CFAP263: variants seen among roughly 807,000 people sequenced by gnomAD.
CFAP263 encodes the protein cilia- and flagella-associated protein 263.
the CFAP263 span, among the ~76,000 whole-genome samples, chr16:58,250,890 C>T: frequency 6.6e-6 from 1 of 151,896 alleles, no homozygotes; most frequent in African/African-American, 2.4e-5. Flanking sequence ...TGGAGATGGA[C>T]AGTAAAGAAT....
chr16:58,250,887 G>A, the CFAP263 span, among the ~76,000 whole-genome samples: 1 of 152,090 alleles, frequency 6.6e-6, no homozygotes, highest in Non-Finnish European at 1.5e-5. Context: ...GCATGGAGAT[G>A]GACAGTAAAG....
At chr16:58,282,089 ACCT>A in the CFAP263 span, 1 of 149,682 alleles carries the variant, frequency 6.7e-6, no homozygotes, top group Non-Finnish European at 1.5e-5. Context: ...GCTCGCTGCA[ACCT>A]CCTCCTCCTG....
chr16:58,250,053 C>T, the CFAP263 span: 5 of 1,600,292 alleles, frequency 3.1e-6, 1 homozygote, highest in South Asian at 4.5e-5. Context: ...TCTCCGACTC[C>T]CATGAAGGGT....
the CFAP263 span, among the ~76,000 whole-genome samples, chr16:58,250,896 A>G: frequency 1.3e-5 from 2 of 152,224 alleles, no homozygotes; most frequent in Non-Finnish European, 2.9e-5. Flanking sequence ...TGGACAGTAA[A>G]GAATGGCCCG....
chr16:58,261,615 C>G, the CFAP263 span, among the ~76,000 whole-genome samples: 4 of 152,198 alleles, frequency 2.6e-5, no homozygotes, highest in Non-Finnish European at 5.9e-5. Flanking sequence ...AGGGATCACC[C>G]TCTGGTGTGG....
the CFAP263 span, among the ~76,000 whole-genome samples, chr16:58,259,004 A>C: frequency 8.8e-4 from 133 of 151,384 alleles, 2 homozygotes; most frequent in African/African-American, 3.1e-3. Flanking sequence ...TAAATAAATA[A>C]ATAAATAAAT....
chr16:58,280,315 C>A, the CFAP263 span: 2 of 1,614,042 alleles, frequency 1.2e-6, no homozygotes, highest in East Asian at 4.5e-5. Flanking sequence ...AAAAATCCTA[C>A]CTTCCCCCAC....
the CFAP263 span, chr16:58,254,068 A>C: frequency 6.2e-7 from 1 of 1,614,238 alleles, no homozygotes; most frequent in Non-Finnish European, 8.5e-7. Context: ...GCCGACCAAA[A>C]ACTTGAGCTG....
the CFAP263 span, among the ~76,000 whole-genome samples, chr16:58,262,049 C>T: frequency 2.0e-5 from 3 of 152,264 alleles, no homozygotes; most frequent in East Asian, 5.8e-4. Flanking sequence ...TTTCTTCCTC[C>T]CCTGGCCTGG....
chr16:58,263,100 AG>A, the CFAP263 span, among the ~76,000 whole-genome samples: 1 of 152,260 alleles, frequency 6.6e-6, no homozygotes, highest in Non-Finnish European at 1.5e-5. Flanking sequence ...ATAATTAAGC[AG>A]AGACTATAGG....
chr16:58,278,167 A>G, the CFAP263 span, among the ~76,000 whole-genome samples: 26 of 152,316 alleles, frequency 1.7e-4, 1 homozygote, highest in African/African-American at 6.0e-4. Flanking sequence ...AATTTTTCAC[A>G]CACAGAAAAA....
the CFAP263 span, chr16:58,279,679 T>TC: frequency 6.3e-7 from 1 of 1,575,164 alleles, no homozygotes; most frequent in Non-Finnish European, 8.5e-7. Flanking sequence ...TTTTTCTTTT[T>TC]TTTTTTTGCA....
At chr16:58,271,083 A>G in the CFAP263 span, among the ~76,000 whole-genome samples, 17 of 152,246 alleles carry the variant, frequency 1.1e-4, no homozygotes, top group Admixed American at 3.9e-4. Context: ...GTCTTTTATA[A>G]TTACCTATTA....
At chr16:58,259,783 C>A in the CFAP263 span, 1 of 975,120 alleles carries the variant, frequency 1.0e-6, no homozygotes, top group East Asian at 2.5e-5. Flanking sequence ...CCAGAACCAT[C>A]CACTTTTCAA....
At chr16:58,262,035 G>A in the CFAP263 span, among the ~76,000 whole-genome samples, 34 of 152,100 alleles carry the variant, frequency 2.2e-4, no homozygotes, top group Admixed American at 9.2e-4. Flanking sequence ...TGCGTGACTC[G>A]GTCTTTCTTC....
the CFAP263 span, chr16:58,260,064 A>C: frequency 1.7e-6 from 1 of 589,816 alleles, no homozygotes; most frequent in Non-Finnish European, 3.0e-6. Context: ...ATTAACTTAC[A>C]TGGCAAAAAG....
chr16:58,258,938 A>G, the CFAP263 span, among the ~76,000 whole-genome samples: 5 of 152,146 alleles, frequency 3.3e-5, no homozygotes, highest in South Asian at 2.1e-4. Flanking sequence ...AGATCATGCC[A>G]CTGCACTCCA....
the CFAP263 span, among the ~76,000 whole-genome samples, chr16:58,261,967 A>G: frequency 6.6e-6 from 1 of 152,018 alleles, no homozygotes; most frequent in Non-Finnish European, 1.5e-5. Context: ...AAATGGCCTG[A>G]TTCTTACTCT....
At chr16:58,283,777 CAT>C in the CFAP263 span, 6 of 152,146 alleles carry the variant, frequency 3.9e-5, no homozygotes, top group African/African-American at 1.4e-4. Context: ...GAAGGGCAAA[CAT>C]ATTTCTTAAT....
Sources: allele counts gnomAD v4.1 joint callset (sites outside exome capture counted in the v4.1 genomes callset), GRCh38; gene constraint gnomAD v4.1.1; transcripts MANE v1.5; gene names NCBI Gene and HGNC (gene_info 2026-07-23, HGNC 2026-07-21).